The following RBFOX3 variants were observed in gnomAD, a reference collection of about 807,000 sequenced individuals.
RBFOX3 encodes RNA binding protein fox-1 homolog 3.
In RBFOX3, 17 loss-of-function variants were observed where a neutral mutation model predicts 48.7. That is an observed-to-expected ratio of 0.35 (90% CI 0.24 to 0.52). RBFOX3 has a LOEUF of 0.52. Ranked by LOEUF, RBFOX3 falls within the 20% of genes least tolerant of loss-of-function variation. The pLI is 0.94. For missense variants in RBFOX3, 382 were observed against 497.5 expected (o/e 0.77, Z 2.21); for synonymous variants, 212 against 209.5 (o/e 1.01, Z -0.10).
intron 4 of RBFOX3, among the ~76,000 whole-genome samples, chr17:79,143,095 G>A (rs1267668291): frequency 6.6e-6 from 1 of 152,186 alleles, no homozygotes; most frequent in Non-Finnish European, 1.5e-5. Context: ...TGCAAGGGCT[G>A]GGCTAACAGT....
chr17:79,602,817 AGAG>A (rs1281507970), intron 1 of RBFOX3, among the ~76,000 whole-genome samples: 6 of 152,158 alleles, frequency 3.9e-5, no homozygotes, highest in Non-Finnish European at 8.8e-5. Flanking sequence ...CTATAGGCTC[AGAG>A]GAGCCCGGGA....
At chr17:79,344,741 G>A (rs1261668445) in intron 2 of RBFOX3, among the ~76,000 whole-genome samples, 2 of 151,880 alleles carry the variant, frequency 1.3e-5, no homozygotes, top group African/African-American at 4.8e-5. Context: ...TTTTAGTAGA[G>A]GTGAAGTTTT....
At chr17:79,438,317 C>T (rs2148969331) in intron 2 of RBFOX3, among the ~76,000 whole-genome samples, 1 of 152,340 alleles carries the variant, frequency 6.6e-6, no homozygotes, top group Admixed American at 6.5e-5. Flanking sequence ...CTTGCCCAGT[C>T]CAACCAGCTC....
At chr17:79,336,624 A>G (rs1470194683) in intron 2 of RBFOX3, among the ~76,000 whole-genome samples, 1 of 151,986 alleles carries the variant, frequency 6.6e-6, no homozygotes, top group Non-Finnish European at 1.5e-5. Context: ...TCCACACTGG[A>G]CCTTCAGTAA....
intron 2 of RBFOX3, among the ~76,000 whole-genome samples, chr17:79,327,072 C>G (rs1374576238): frequency 6.6e-6 from 1 of 152,250 alleles, no homozygotes; most frequent in African/African-American, 2.4e-5. Flanking sequence ...TCCCAGCAGG[C>G]TGCTCTGAGC....
chr17:79,164,439 G>A (rs2047586986), intron 4 of RBFOX3, among the ~76,000 whole-genome samples: 1 of 152,172 alleles, frequency 6.6e-6, no homozygotes, highest in Non-Finnish European at 1.5e-5. Context: ...TGCAGGACAG[G>A]GGCTCTGCGG....
chr17:79,122,154 G>A (rs915384066), intron 4 of RBFOX3, among the ~76,000 whole-genome samples: 3 of 152,006 alleles, frequency 2.0e-5, no homozygotes, highest in African/African-American at 7.3e-5. Flanking sequence ...CCCACAAACA[G>A]TCCAGTAGCA....
Position 79,251,501 on chromosome 17 carries a change from C to T in RBFOX3, c.-73-15696G>A, listed in dbSNP as rs79171638. On this transcript the variant is annotated intron_variant, in intron 3 of 14. Transcript: ENST00000693108. ...ATCTCTGGGCACAACCCTTCCCCCT[C>T]CCTTGTCTCCAGTGCCCACCCAAGT... 1.1e-3 allele frequency among the ~76,000 whole-genome samples: 169 copies of T among 152,338 alleles called. 1 individual carries two copies. In the East Asian group the frequency reaches 0.025, roughly 22 times the overall value.
In RBFOX3 at chr17:79,220,301, C is replaced by T. The variant is rs1404217264; in HGVS notation, c.-34+15465G>A. 6.6e-6 allele frequency among the ~76,000 whole-genome samples: 1 copy of T among 152,204 alleles called. No homozygotes were observed. Among genetic ancestry groups the T allele is most frequent in the South Asian group, 2.1e-4 (1 of 4,830 alleles). ...GGTTGGTGGGGGTAGGGGCTTGGTCCCCCAACGCTGGCACTCAGTTTAGCT... is the reference window on the plus strand; with the variant it reads ...GGTTGGTGGGGGTAGGGGCTTGGTCTCCCAACGCTGGCACTCAGTTTAGCT... On this transcript the variant is annotated intron_variant, in intron 4 of 14. Transcript: ENST00000693108. This position sits in a 1 kb window ranked among gnomAD's most constrained non-coding sequence, Gnocchi z 5.9.
intron 2 of RBFOX3, among the ~76,000 whole-genome samples, chr17:79,469,773 C>T (rs1228546812): frequency 2.0e-5 from 3 of 152,176 alleles, no homozygotes; most frequent in Admixed American, 6.5e-5. Flanking sequence ...AGCTTGCTCA[C>T]GTGCAGTCAG....
At chr17:79,411,904 A>G (rs2064404275) in intron 2 of RBFOX3, among the ~76,000 whole-genome samples, 1 of 152,120 alleles carries the variant, frequency 6.6e-6, no homozygotes, top group South Asian at 2.1e-4. Flanking sequence ...CGTGTTGTGT[A>G]TATGTATGTG....
At chr17:79,628,166 C>T in the RBFOX3 span, among the ~76,000 whole-genome samples, 1 of 152,040 alleles carries the variant, frequency 6.6e-6, no homozygotes, top group Admixed American at 6.6e-5. Flanking sequence ...GTGTGCTGAT[C>T]TATGCTTGAC....
rs2055390210 is a variant in RBFOX3, at chr17:79,195,447, G to T, written c.-34+40319C>A. The stretch of plus-strand genomic sequence containing the variant: ...AGAAATGCAAAATGCAAAGCCAACT[G>T]GGTCTCTTCTTAGAGTAAGGCCGCA... On this transcript the variant is annotated intron_variant, in intron 4 of 14. Transcript: ENST00000693108. This position sits in a 1 kb window ranked among gnomAD's most constrained non-coding sequence, Gnocchi z 5.3. Among the ~76,000 whole-genome samples, 1 of 152,044 alleles carries T rather than the reference G, an allele frequency of 6.6e-6. No individual in the cohort carries two copies.
rs374193132 is a variant in RBFOX3 at position 79,481,789 on chromosome 17, T to G, written c.-175+665A>C. Among the ~76,000 whole-genome samples the G allele has an allele frequency of 2.0e-5, 3 of 152,198 alleles. No individual in the cohort carries two copies. Among genetic ancestry groups the G allele is most frequent in the Admixed American group, 6.5e-5 (1 of 15,290 alleles). Reference sequence around the variant, plus strand: ...TTTTAGTGTAGTGCTTTTTTGTTGCTGTCGTTCTGTGAACTGTAGCAAATT... The same window carrying G: ...TTTTAGTGTAGTGCTTTTTTGTTGCGGTCGTTCTGTGAACTGTAGCAAATT... On this transcript the variant is annotated intron_variant, in intron 2 of 14. Coordinates refer to ENST00000693108, the MANE Select transcript of RBFOX3 (RefSeq NM_001350451.2). This position sits in a 1 kb window ranked among gnomAD's most constrained non-coding sequence, Gnocchi z 5.4.
At chr17:79,619,109 C>A in the RBFOX3 span, among the ~76,000 whole-genome samples, 1 of 152,144 alleles carries the variant, frequency 6.6e-6, no homozygotes, top group Admixed American at 6.5e-5. Context: ...AGGCAGGGGA[C>A]GTGGCATCGT....
chr17:79,372,372 A>C (rs2058679143), intron 2 of RBFOX3, among the ~76,000 whole-genome samples: 3 of 110,182 alleles, frequency 2.7e-5, no homozygotes, highest in South Asian at 3.2e-4. Context: ...CCACCTCCCC[A>C]TCCTGTGGAT....
Position 79,299,603 on chromosome 17 carries a change from G to T in RBFOX3, c.-74+8121C>A, listed in dbSNP as rs1031111253. On this transcript the variant is annotated intron_variant, in intron 3 of 14. Coordinates refer to ENST00000693108, the MANE Select transcript of RBFOX3 (RefSeq NM_001350451.2). The surrounding 1 kb of genome is among the most constrained non-coding windows in gnomAD (Gnocchi z 4.5). ...ATTTCCTACCAGGGGTTTGAGCATC[G>T]TCAGATCGTGGGGTTTTTGGAACTA... Among the ~76,000 whole-genome samples the T allele has an allele frequency of 6.6e-6, 1 of 152,186 alleles. No homozygotes were observed. The highest frequency in any genetic ancestry group is 1.5e-5 in the Non-Finnish European group (1 of 68,032).
At chr17:79,620,559 GCACACCCGCGCGTGCACACACGCACGCA>G in the RBFOX3 span, among the ~76,000 whole-genome samples, 14 of 133,906 alleles carry the variant, frequency 1.0e-4, no homozygotes, top group African/African-American at 3.7e-4. Flanking sequence ...GCACACATGT[GCACACCCGCGCGTGCACACACGCACGCA>G]CACACACGCA....
intron 2 of RBFOX3, among the ~76,000 whole-genome samples, chr17:79,371,617 T>C (rs1370047700): frequency 6.6e-6 from 1 of 152,072 alleles, no homozygotes; most frequent in Non-Finnish European, 1.5e-5. Context: ...GGCCACTCGA[T>C]GAGGAAGGTC....
Sources: allele counts gnomAD v4.1 joint callset (sites outside exome capture counted in the v4.1 genomes callset), GRCh38; gene constraint gnomAD v4.1.1; non-coding constraint Gnocchi (gnomAD v3.1); transcripts MANE v1.5; gene names NCBI Gene and HGNC (gene_info 2026-07-23, HGNC 2026-07-21).